Variants in CSMD3 observed in about 807,000 individuals in gnomAD.
CSMD3 encodes CUB and sushi domain-containing protein 3.
Under a neutral mutation model 435.2 loss-of-function variants are expected in CSMD3, and 177 were observed. The observed-to-expected ratio is 0.41, with a 90% CI of 0.36 to 0.46. The LOEUF (loss-of-function observed/expected upper bound fraction) is 0.46, where lower values mean the gene tolerates loss of function less well. CSMD3 is among the 20% of genes least tolerant of loss of function. The pLI, the probability that CSMD3 is intolerant of heterozygous loss-of-function variation, is 0.34. For synonymous variants in CSMD3, 1,656 were observed against 1,520.5 expected (o/e 1.09, Z -2.07); for missense variants, 4,265 against 4,504.6 (o/e 0.95, Z 1.52).
intron 13 of CSMD3, among the ~76,000 whole-genome samples, chr8:112,734,208 C>T (rs2077135941): frequency 2.0e-5 from 3 of 149,834 alleles, no homozygotes; most frequent in East Asian, 1.9e-4. Flanking sequence ...ATATATACAT[C>T]GGTGCCAACA....
intron 6 of CSMD3, among the ~76,000 whole-genome samples, chr8:112,985,411 C>T (rs2085219602): frequency 6.6e-6 from 1 of 151,602 alleles, no homozygotes; most frequent in East Asian, 1.9e-4. Flanking sequence ...TTCAACTTAA[C>T]TTGAAAAAAT....
intron 7 of CSMD3, among the ~76,000 whole-genome samples, chr8:112,957,211 G>A (rs1163864894): frequency 1.3e-5 from 2 of 152,076 alleles, no homozygotes; most frequent in African/African-American, 4.8e-5. Flanking sequence ...ATCTTGACTT[G>A]TCATCAAGTA....
intron 3 of CSMD3, among the ~76,000 whole-genome samples, chr8:113,178,588 A>G (rs2092380212): frequency 6.6e-6 from 1 of 151,914 alleles, no homozygotes; most frequent in Admixed American, 6.6e-5. Flanking sequence ...TAATGGAGAA[A>G]TCTGAATTAG....
chr8:112,344,791 G>T (rs905360256), intron 41 of CSMD3, among the ~76,000 whole-genome samples: 2 of 151,888 alleles, frequency 1.3e-5, no homozygotes, highest in Middle Eastern at 3.2e-3. Flanking sequence ...AAAAATATTG[G>T]GAATTATTAC....
intron 32 of CSMD3, among the ~76,000 whole-genome samples, chr8:112,457,534 C>G (rs1332244562): frequency 6.6e-6 from 1 of 152,006 alleles, no homozygotes; most frequent in Non-Finnish European, 1.5e-5. Context: ...TGATACAGTT[C>G]TCATATCACA....
chr8:112,407,278 A>C (rs1001684383), intron 34 of CSMD3, among the ~76,000 whole-genome samples: 7 of 152,090 alleles, frequency 4.6e-5, no homozygotes, highest in African/African-American at 1.7e-4. Context: ...TATGTCAGAC[A>C]GATTAACAAC....
At chr8:113,307,238 T>C (rs1040314155) in intron 2 of CSMD3, among the ~76,000 whole-genome samples, 3 of 152,134 alleles carry the variant, frequency 2.0e-5, no homozygotes, top group Non-Finnish European at 4.4e-5. Flanking sequence ...ACTTGAAACA[T>C]GCTTTATTAT....
chr8:112,604,925 G>C (rs2131436014), intron 22 of CSMD3, among the ~76,000 whole-genome samples: 1 of 104,866 alleles, frequency 9.5e-6, no homozygotes, highest in African/African-American at 4.3e-5. Context: ...TAAGAACCTT[G>C]TTAGCAAGCA....
intron 3 of CSMD3, among the ~76,000 whole-genome samples, chr8:113,181,469 A>G (rs1052717350): frequency 6.6e-6 from 1 of 152,112 alleles, no homozygotes; most frequent in Admixed American, 6.6e-5. Flanking sequence ...ACTTTGCACC[A>G]TATACAAGGA....
At chr8:112,730,771 G>A (rs1226015948) in intron 13 of CSMD3, among the ~76,000 whole-genome samples, 1 of 151,976 alleles carries the variant, frequency 6.6e-6, no homozygotes, top group Non-Finnish European at 1.5e-5. Flanking sequence ...ATTCTGTGAT[G>A]GGCACGAAAC....
At chr8:112,352,586 T>A (rs766188924) in intron 38 of CSMD3, 52 bp from the exon 39 acceptor site, 1 of 1,473,354 alleles carries the variant, frequency 6.8e-7, no homozygotes, top group Non-Finnish European at 9.5e-7. Context: ...GATAAATGCT[T>A]AAGTTATGCA....
intron 2 of CSMD3, among the ~76,000 whole-genome samples, chr8:113,289,554 CAGAGAGAG>C (rs66595138): frequency 0.031 from 4,416 of 143,090 alleles, 75 homozygotes; most frequent in Admixed American, 0.041. Flanking sequence ...CAGAGAGAGA[CAGAGAGAG>C]AGAGAGAGAG....
At chr8:112,767,954 A>C (rs970381955) in intron 13 of CSMD3, among the ~76,000 whole-genome samples, 11 of 151,760 alleles carry the variant, frequency 7.2e-5, no homozygotes, top group Non-Finnish European at 1.3e-4. Context: ...CTAGGGAAAC[A>C]AGAATATTAA....
At chr8:112,574,405 C>A (rs909097578) in intron 23 of CSMD3, among the ~76,000 whole-genome samples, 1 of 151,912 alleles carries the variant, frequency 6.6e-6, no homozygotes, top group Non-Finnish European at 1.5e-5. Flanking sequence ...TTTGCCACTA[C>A]AAGTAATGCT....
chr8:112,635,561 AGTAT>A (rs1000217681), intron 22 of CSMD3, among the ~76,000 whole-genome samples: 48 of 152,166 alleles, frequency 3.2e-4, no homozygotes, highest in African/African-American at 1.2e-3. Flanking sequence ...ATGCCCTGAG[AGTAT>A]GATTACTTAT....
chr8:113,102,241 G>T (rs1000242745), intron 4 of CSMD3, among the ~76,000 whole-genome samples: 1 of 152,068 alleles, frequency 6.6e-6, no homozygotes, highest in Non-Finnish European at 1.5e-5. Context: ...CACAGAAAGT[G>T]GGGGGTTCAC....
chr8:112,285,663 T>C (rs1316457051), intron 58 of CSMD3, among the ~76,000 whole-genome samples: 1 of 152,140 alleles, frequency 6.6e-6, no homozygotes, highest in Non-Finnish European at 1.5e-5. Flanking sequence ...AATACAATAA[T>C]TTTCTAGCAA....
intron 5 of CSMD3, among the ~76,000 whole-genome samples, chr8:113,052,234 C>A (rs1297860079): frequency 6.6e-6 from 1 of 152,012 alleles, no homozygotes; most frequent in African/African-American, 2.4e-5. Context: ...AAATTCTGAC[C>A]AAAGGAGAAG....
At chr8:112,532,392 A>G (rs969959698) in intron 27 of CSMD3, among the ~76,000 whole-genome samples, 2 of 152,176 alleles carry the variant, frequency 1.3e-5, no homozygotes, top group African/African-American at 4.8e-5. Flanking sequence ...GAGTCAATCA[A>G]AATAACACTA....
Sources: gnomAD v4.1 joint callset for allele counts (sites outside exome capture counted in the v4.1 genomes callset) on GRCh38, gnomAD v4.1.1 for gene constraint, MANE v1.5 for transcripts, NCBI Gene and HGNC (gene_info 2026-07-23, HGNC 2026-07-21) for gene names.